RIMKLB: variants seen among roughly 807,000 people sequenced by gnomAD.
RIMKLB encodes beta-citrylglutamate synthase B.
RIMKLB carries 7 observed loss-of-function variants against 32.0 expected under a neutral mutation model. The observed-to-expected ratio is 0.22, with a 90% CI of 0.12 to 0.41. The LOEUF (loss-of-function observed/expected upper bound fraction) is 0.41. Among genes scored for constraint, RIMKLB ranks in the 10% least tolerant of loss-of-function variants. The pLI, the probability that RIMKLB is intolerant of heterozygous loss-of-function variation, is 1.00. For synonymous variants in RIMKLB, 172 were observed against 185.1 expected (o/e 0.93, Z 0.57); for missense variants, 289 against 498.7 (o/e 0.58, Z 4.00).
intron 2 of RIMKLB, among the ~76,000 whole-genome samples, chr12:8,717,051 GTTTTTCTTTTTTT>G (rs1223163464): frequency 2.0e-4 from 28 of 141,962 alleles, no homozygotes; most frequent in South Asian, 6.8e-4. Flanking sequence ...TTCTAGGAGG[GTTTTTCTTTTTTT>G]TTTTTCTTTT....
chr12:8,769,970 ATTTT>A (rs762664306), intron 5 of RIMKLB, among the ~76,000 whole-genome samples: 1 of 141,462 alleles, frequency 7.1e-6, no homozygotes, highest in African/African-American at 2.6e-5. Context: ...TGTAGCAATA[ATTTT>A]TTTTTTTTTT....
At chr12:8,702,207 G>A (rs1439618126) in intron 1 of RIMKLB, among the ~76,000 whole-genome samples, 5 of 152,058 alleles carry the variant, frequency 3.3e-5, no homozygotes, top group African/African-American at 4.8e-5. Context: ...AATGGTTGTC[G>A]GTTCTTTCTT....
chr12:8,769,970 A>AT (rs762664306), intron 5 of RIMKLB, among the ~76,000 whole-genome samples: 4,594 of 141,400 alleles, frequency 0.032, 96 homozygotes, highest in African/African-American at 0.069. Context: ...TGTAGCAATA[A>AT]TTTTTTTTTT....
intron 1 of RIMKLB, among the ~76,000 whole-genome samples, chr12:8,686,614 G>A (rs769550874): frequency 8.6e-5 from 13 of 152,002 alleles, no homozygotes; most frequent in Non-Finnish European, 1.5e-4. Flanking sequence ...CAAGTAGCTG[G>A]GACTACAGGC....
upstream of RIMKLB, chr12:8,679,708 C>G (rs1040081647): frequency 6.6e-6 from 1 of 152,110 alleles, no homozygotes; most frequent in Non-Finnish European, 1.5e-5. Context: ...TCTTTTAGAC[C>G]ACGAACAATA....
chr12:8,753,305 A>C (rs1002672521), intron 4 of RIMKLB, among the ~76,000 whole-genome samples: 1 of 152,112 alleles, frequency 6.6e-6, no homozygotes, highest in Non-Finnish European at 1.5e-5. Context: ...TCTTGTTTGG[A>C]GCAATCACAA....
upstream of RIMKLB, among the ~76,000 whole-genome samples, chr12:8,695,183 ACCGCCCCGCCCCCCCGCC>A (rs1268760209): frequency 1.4e-5 from 2 of 141,876 alleles, no homozygotes; most frequent in Non-Finnish European, 3.1e-5. Flanking sequence ...CAATTGCCGC[ACCGCCCCGCCCCCCCGCC>A]CCGCCCCGCC....
chr12:8,696,971 T>C (rs1057173203), upstream of RIMKLB, among the ~76,000 whole-genome samples: 1 of 152,188 alleles, frequency 6.6e-6, no homozygotes, highest in Non-Finnish European at 1.5e-5. Context: ...CCCTTTTTTT[T>C]TCTCCTTAAG....
At chr12:8,727,916 TC>T (rs1265046798) in intron 2 of RIMKLB, among the ~76,000 whole-genome samples, 2 of 137,056 alleles carry the variant, frequency 1.5e-5, no homozygotes, top group Non-Finnish European at 3.2e-5. Flanking sequence ...AAAAAAAAAA[TC>T]TAGTATTTTT....
upstream of RIMKLB, chr12:8,697,597 A>ACC (rs1000029722): frequency 1.2e-5 from 2 of 165,154 alleles, no homozygotes; most frequent in South Asian, 8.7e-5. Flanking sequence ...CTCGCCCCCC[A>ACC]CCCCCCCCAT....
chr12:8,737,027 G>A (rs1947072657), intron 2 of RIMKLB, among the ~76,000 whole-genome samples: 1 of 152,036 alleles, frequency 6.6e-6, no homozygotes, highest in South Asian at 2.1e-4. Context: ...TGGCCAGGCT[G>A]GTCTTGAACT....
intron 2 of RIMKLB, among the ~76,000 whole-genome samples, chr12:8,732,039 G>A (rs1482646324): frequency 6.6e-6 from 1 of 151,918 alleles, no homozygotes; most frequent in African/African-American, 2.4e-5. Flanking sequence ...GTTTCTTGCT[G>A]AATAGTAACT....
At chr12:8,689,132 G>A (rs1942663157) in intron 1 of RIMKLB, among the ~76,000 whole-genome samples, 1 of 152,138 alleles carries the variant, frequency 6.6e-6, no homozygotes, top group African/African-American at 2.4e-5. Flanking sequence ...CGCTGCACCC[G>A]GCCATGCATG....
chr12:8,698,500 G>A (rs1220905350), intron 1 of RIMKLB, among the ~76,000 whole-genome samples: 1 of 152,060 alleles, frequency 6.6e-6, no homozygotes, highest in Non-Finnish European at 1.5e-5. Flanking sequence ...AGCGAGGCGG[G>A]GCCCGGCCTT....
chr12:8,775,892 A>G lies in RIMKLB; in HGVS notation c.*2108A>G, dbSNP rs566597247. 5.0e-5 allele frequency: 49 copies of G among 985,094 alleles called. No individual in the cohort carries two copies. The highest frequency in any genetic ancestry group is 1.1e-4 in the East Asian group (1 of 8,826). 61.0% of individuals were successfully genotyped at this position (985,094 alleles called of 1,614,324 possible). On this transcript the variant is annotated 3_prime_UTR_variant, in exon 6 of 6. Coordinates refer to ENST00000535829, the MANE Select transcript of RIMKLB (RefSeq NM_001297776.2). Reference sequence around the variant, plus strand: ...CAGGGTAAATGGGGGACTCACATACATATATTAATACCTCTGACTCATTAA... The same window carrying G: ...CAGGGTAAATGGGGGACTCACATACGTATATTAATACCTCTGACTCATTAA...
At chr12:8,769,473 C>CT (rs1271145673) in intron 5 of RIMKLB, among the ~76,000 whole-genome samples, 6 of 152,052 alleles carry the variant, frequency 3.9e-5, no homozygotes, top group Non-Finnish European at 7.4e-5. Flanking sequence ...TAGTTTCCAT[C>CT]TTTTAATGGA....
rs145261517 is a variant in RIMKLB, at chr12:8,739,199, C to T, written c.176-10663C>T. Among the ~76,000 whole-genome samples, 608 of 152,102 alleles carry T rather than the reference C, an allele frequency of 4.0e-3. 9 individuals are homozygous for T. The highest frequency in any genetic ancestry group is 0.014 in the African/African-American group (573 of 41,490). ...ACAGTGTTCTGGAGGCTGGTAAGTT[C>T]GATATCAAGGTACTGGCAGATTTGT... On this transcript the variant is annotated intron_variant, in intron 2 of 5. Transcript: ENST00000535829.
chr12:8,736,093 C>A (rs750281349), intron 2 of RIMKLB, among the ~76,000 whole-genome samples: 6 of 152,174 alleles, frequency 3.9e-5, no homozygotes, highest in South Asian at 2.1e-4. Context: ...AATTTTGTTA[C>A]AACTGAAAGA....
chr12:8,719,940 G>A (rs1186391746), intron 2 of RIMKLB, among the ~76,000 whole-genome samples: 1 of 152,190 alleles, frequency 6.6e-6, no homozygotes, highest in Non-Finnish European at 1.5e-5. Context: ...TGGCCTCAAG[G>A]TAGGGCCTGG....
Sources: gnomAD v4.1 joint callset for allele counts (sites outside exome capture counted in the v4.1 genomes callset) on GRCh38, gnomAD v4.1.1 for gene constraint, MANE v1.5 for transcripts, NCBI Gene and HGNC (gene_info 2026-07-23, HGNC 2026-07-21) for gene names.